VPS13B: variants seen among roughly 807,000 people sequenced by gnomAD.
The protein encoded by VPS13B is vacuolar protein sorting 13 homolog B, also known as intermembrane lipid transfer protein VPS13B.
VPS13B carries 285 observed loss-of-function variants against 426.4 expected under a neutral mutation model. That is an observed-to-expected ratio of 0.67 (90% CI 0.61 to 0.74). The LOEUF (loss-of-function observed/expected upper bound fraction) is 0.74, where lower values mean the gene tolerates loss of function less well. VPS13B is among the 30% of genes least tolerant of loss of function. The pLI is 0.00. For missense variants in VPS13B, 4,537 were observed against 4,782.6 expected (o/e 0.95, Z 1.51); for synonymous variants, 1,676 against 1,676.4 (o/e 1.00, Z 0.01).
rs577410928 is a variant in VPS13B at position 99,653,895 on chromosome 8, T to C, written c.5909-7459T>C. Among the ~76,000 whole-genome samples, 12 of 152,194 alleles carry C rather than the reference T, an allele frequency of 7.9e-5. No homozygotes were observed. In the South Asian group the frequency reaches 2.5e-3, roughly 32 times the overall value. ...AGAGTAGGTACAGAATCGCAGAGCA[T>C]GTGAAATACTGCTTATAGAGTTAGC... On this transcript the variant is annotated intron_variant, in intron 34 of 61. Transcript: ENST00000357162.
At chr8:99,280,358 C>T (rs1395581243) in intron 19 of VPS13B, among the ~76,000 whole-genome samples, 1 of 152,112 alleles carries the variant, frequency 6.6e-6, no homozygotes, top group East Asian at 1.9e-4. Flanking sequence ...TTAAGTACCT[C>T]TCTTACATTC....
chr8:99,675,187 G>T (rs1258427296), intron 35 of VPS13B, among the ~76,000 whole-genome samples: 1 of 151,946 alleles, frequency 6.6e-6, no homozygotes, highest in African/African-American at 2.4e-5. Context: ...TCATTAAAGG[G>T]CAGCTTTGCT....
intron 43 of VPS13B, among the ~76,000 whole-genome samples, chr8:99,801,640 T>A (rs1410757976): frequency 1.3e-5 from 2 of 152,180 alleles, no homozygotes; most frequent in Non-Finnish European, 1.5e-5. Flanking sequence ...GTCCAACTTT[T>A]AACTTCCCCA....
chr8:99,066,683 A>T (rs769901890), intron 3 of VPS13B, among the ~76,000 whole-genome samples: 42 of 152,382 alleles, frequency 2.8e-4, no homozygotes, highest in South Asian at 8.3e-4. Flanking sequence ...GCTTCTGCAC[A>T]GCAAAAGAAA....
intron 17 of VPS13B, among the ~76,000 whole-genome samples, chr8:99,248,542 T>A (rs998331377): frequency 6.6e-6 from 1 of 152,120 alleles, no homozygotes; most frequent in Non-Finnish European, 1.5e-5. Context: ...CATTAAAATA[T>A]GTATTAGTCC....
At chr8:99,184,303 T>C (rs1360358180) in intron 16 of VPS13B, among the ~76,000 whole-genome samples, 5 of 152,212 alleles carry the variant, frequency 3.3e-5, no homozygotes, top group African/African-American at 7.2e-5. Context: ...CAATCTGTTT[T>C]GCAATATGAT....
At chr8:99,356,358 G>A (rs1056336134) in intron 19 of VPS13B, among the ~76,000 whole-genome samples, 2 of 152,108 alleles carry the variant, frequency 1.3e-5, no homozygotes, top group Admixed American at 6.6e-5. Flanking sequence ...TTAAAAACAA[G>A]CATCTTGGGC....
chr8:99,447,269 G>T (rs1009262235), intron 23 of VPS13B, among the ~76,000 whole-genome samples: 1 of 152,136 alleles, frequency 6.6e-6, no homozygotes, highest in Non-Finnish European at 1.5e-5. Context: ...AGGTTTTTAT[G>T]CCACTTAGAT....
At chr8:99,411,958 A>G (rs890223130) in intron 21 of VPS13B, among the ~76,000 whole-genome samples, 8 of 152,158 alleles carry the variant, frequency 5.3e-5, no homozygotes, top group Non-Finnish European at 1.2e-4. Context: ...GTAGCCTTGT[A>G]GGATAGTTTG....
At chr8:99,536,238 C>T (rs1384816516) in intron 30 of VPS13B, among the ~76,000 whole-genome samples, 2 of 152,066 alleles carry the variant, frequency 1.3e-5, no homozygotes, top group African/African-American at 2.4e-5. Flanking sequence ...TGCCAGCCAC[C>T]GTGCCCGGCC....
intron 43 of VPS13B, chr8:99,796,874 G>A (rs894397334): frequency 6.6e-6 from 1 of 152,200 alleles, no homozygotes; most frequent in Admixed American, 6.5e-5. Flanking sequence ...ACTGTCCCAG[G>A]AGAATGAGAG....
intron 51 of VPS13B, among the ~76,000 whole-genome samples, chr8:99,826,250 C>G (rs940346091): frequency 3.3e-5 from 5 of 152,162 alleles, no homozygotes; most frequent in African/African-American, 1.2e-4. Context: ...TTTCCTTGAG[C>G]AGTGGTACAT....
intron 17 of VPS13B, among the ~76,000 whole-genome samples, chr8:99,249,715 G>T (rs912876811): frequency 2.6e-5 from 4 of 152,064 alleles, no homozygotes; most frequent in South Asian, 4.1e-4. Context: ...GAGCCACCGC[G>T]CCCGGCCTGA....
At chr8:99,668,384 T>C (rs1830572189) in intron 35 of VPS13B, among the ~76,000 whole-genome samples, 1 of 151,654 alleles carries the variant, frequency 6.6e-6, no homozygotes, top group African/African-American at 2.4e-5. Context: ...TTGCAACCCT[T>C]AAAGGTAGAG....
At chr8:99,370,670 C>T (rs1393267200) in intron 19 of VPS13B, among the ~76,000 whole-genome samples, 4 of 134,872 alleles carry the variant, frequency 3.0e-5, no homozygotes, top group East Asian at 2.2e-4. Context: ...AGTGCAGTGG[C>T]GCAATCTCAT....
intron 43 of VPS13B, among the ~76,000 whole-genome samples, chr8:99,791,459 G>T (rs78572461): frequency 6.6e-6 from 1 of 152,240 alleles, no homozygotes; most frequent in Non-Finnish European, 1.5e-5. Context: ...GTGATGGGCA[G>T]CTCTTGGCTA....
chr8:99,030,677 TTCAGAAAGCAC>T (rs1272972996), intron 2 of VPS13B, among the ~76,000 whole-genome samples: 1 of 152,222 alleles, frequency 6.6e-6, no homozygotes, highest in Non-Finnish European at 1.5e-5. Context: ...ATATTATGCG[TTCAGAAAGCAC>T]TCAGTGATCT....
chr8:99,014,661 G>A (rs1283547535), intron 2 of VPS13B, among the ~76,000 whole-genome samples: 1 of 149,864 alleles, frequency 6.7e-6, no homozygotes, highest in African/African-American at 2.5e-5. Flanking sequence ...CAGGAAGGGT[G>A]GCTGGCTTGT....
At chr8:99,563,436 A>G (rs1825032007) in intron 31 of VPS13B, among the ~76,000 whole-genome samples, 1 of 152,204 alleles carries the variant, frequency 6.6e-6, no homozygotes, top group Non-Finnish European at 1.5e-5. Context: ...TATACATAGG[A>G]GATCTTAGGC....
Sources: gnomAD v4.1 joint callset for allele counts (sites outside exome capture counted in the v4.1 genomes callset) on GRCh38, gnomAD v4.1.1 for gene constraint, MANE v1.5 for transcripts, NCBI Gene and HGNC (gene_info 2026-07-23, HGNC 2026-07-21) for gene names.